The following GALP variants were observed in gnomAD, a reference collection of about 807,000 sequenced individuals.
GALP encodes the protein galanin-like peptide.
Under a neutral mutation model 15.2 loss-of-function variants are expected in GALP, and 12 were observed. That is an observed-to-expected ratio of 0.79 (90% CI 0.51 to 1.28). The LOEUF (loss-of-function observed/expected upper bound fraction) is 1.28. Among genes scored for constraint, GALP ranks in the 50% most tolerant of loss-of-function variants. The pLI is 0.00. For missense variants in GALP, 161 were observed against 145.6 expected, an observed-to-expected ratio of 1.11 and a Z score of -0.55; for synonymous variants, 58 against 55.1, an observed-to-expected ratio of 1.05 and a Z score of -0.23.
intron 2 of GALP, among the ~76,000 whole-genome samples, chr19:56,179,312 C>T (rs868166337): frequency 1.3e-4 from 18 of 139,898 alleles, no homozygotes; most frequent in African/African-American, 3.8e-4. Flanking sequence ...CTCTTTCTTT[C>T]TTTTTTTTTT....
chr19:56,178,521 CAAAAAAAAA>C (rs80223966), intron 2 of GALP, among the ~76,000 whole-genome samples: 1 of 85,770 alleles, frequency 1.2e-5, no homozygotes, highest in South Asian at 4.9e-4. Flanking sequence ...ACAACAACAA[CAAAAAAAAA>C]AAAAAAAAAA....
intron 3 of GALP, among the ~76,000 whole-genome samples, chr19:56,181,629 A>T (rs147975681): frequency 0.018 from 2,761 of 151,700 alleles, 96 homozygotes; most frequent in African/African-American, 0.063. Context: ...ACTGGTCTTG[A>T]ACTCCCAACC....
chr19:56,185,479 A>G lies in GALP; in HGVS notation c.*209A>G, dbSNP rs2032639543. 2.3e-6 allele frequency: 1 copy of G among 444,112 alleles called. No homozygotes were observed. The highest frequency in any genetic ancestry group is 3.9e-6 in the Non-Finnish European group (1 of 254,402). The allele number at this position is 444,112 out of a possible 1,614,324, so 27.5% of individuals were successfully genotyped here. ...ATCCTTGAAATCAGTATAATGTGCT[A>G]TTAATGGAACCAATAGTAATTCGAG... is the stretch of plus-strand genomic sequence containing the variant. On this transcript the variant is annotated 3_prime_UTR_variant, in exon 6 of 6. Coordinates refer to ENST00000357330, the MANE Select transcript of GALP (RefSeq NM_033106.4).
intron 1 of GALP, among the ~76,000 whole-genome samples, chr19:56,176,485 C>A (rs2032461453): frequency 1.0e-5 from 1 of 96,258 alleles, no homozygotes; most frequent in African/African-American, 4.8e-5. Context: ...GCCAGGAGGG[C>A]AGAGGGGCGG....
intron 3 of GALP, among the ~76,000 whole-genome samples, chr19:56,181,029 G>A (rs2032559293): frequency 6.8e-6 from 1 of 147,282 alleles, no homozygotes; most frequent in Non-Finnish European, 1.5e-5. Context: ...AGTAGTTTAA[G>A]CGATTCTCCT....
intron 3 of GALP, among the ~76,000 whole-genome samples, chr19:56,181,401 T>C (rs1254180298): frequency 7.2e-6 from 1 of 137,942 alleles, no homozygotes; most frequent in Non-Finnish European, 1.6e-5. Flanking sequence ...TCTCCTTTTT[T>C]TTTTTTTTTT....
At chr19:56,178,521 CAAAAAA>C (rs80223966) in intron 2 of GALP, among the ~76,000 whole-genome samples, 1,020 of 85,784 alleles carry the variant, frequency 0.012, 20 homozygotes, top group African/African-American at 0.04. Flanking sequence ...ACAACAACAA[CAAAAAA>C]AAAAAAAAAA....
At chr19:56,182,151 G>GC in intron 3 of GALP, 21 bp from the exon 4 acceptor site, 1 of 1,579,874 alleles carries the variant, frequency 6.3e-7, no homozygotes, top group Middle Eastern at 1.7e-4. Flanking sequence ...ACCTGCTCTT[G>GC]CTCTCTCCCT....
At position 56,182,246 on chromosome 19, in the gene GALP, G is replaced by A; in HGVS notation, c.211G>A (p.Ala71Thr). The change falls in exon 4 of 6, where the codon GCC becomes ACC. Residue 71 changes from alanine (A) to threonine (T), a missense_variant. Coordinates refer to ENST00000357330, the MANE Select transcript of GALP (RefSeq NM_033106.4). ...CCTTGAGATCCTAGACCTGTGGAAG[G>A]CCATCGGTGAGTGAGCGGGGAGTTA... ...TALEILDLWK[A>T]IDGLPYSHPP... 2 of 1,612,998 alleles carry A rather than the reference G, an allele frequency of 1.2e-6. No homozygotes were observed. The highest frequency in any genetic ancestry group is 1.7e-6 in the Non-Finnish European group (2 of 1,179,010).
chr19:56,181,606 C>A (rs2032569025), intron 3 of GALP, among the ~76,000 whole-genome samples: 1 of 151,924 alleles, frequency 6.6e-6, no homozygotes, highest in Non-Finnish European at 1.5e-5. Context: ...CGGGGTTTCT[C>A]CATGTTGGTC....
At chr19:56,180,533 C>A (rs575558209) in intron 2 of GALP, 53 bp from the exon 3 acceptor site, 6 of 1,502,440 alleles carry the variant, frequency 4.0e-6, no homozygotes, top group South Asian at 1.1e-5. Flanking sequence ...ACCTGTGGGA[C>A]GCCTGCCCCG....
intron 3 of GALP, 66 bp downstream of exon 3, chr19:56,180,700 G>A (rs998152533): frequency 5.9e-6 from 8 of 1,344,786 alleles, no homozygotes; most frequent in African/African-American, 1.4e-5. Flanking sequence ...CAGGCAGTGA[G>A]TTTGTGGCTT....
intron 5 of GALP, among the ~76,000 whole-genome samples, chr19:56,183,583 T>C (rs1447404811): frequency 6.6e-6 from 1 of 152,190 alleles, no homozygotes; most frequent in Non-Finnish European, 1.5e-5. Context: ...TTTGACCTCA[T>C]GGTTCAATTT....
intron 5 of GALP, among the ~76,000 whole-genome samples, chr19:56,183,491 A>T (rs1337552043): frequency 6.6e-6 from 1 of 151,996 alleles, no homozygotes; most frequent in East Asian, 1.9e-4. Context: ...TGCAATTAGG[A>T]CCCCACACCC....
chr19:56,185,098 CA>C lies in GALP; in HGVS notation c.296-115del, dbSNP rs1417021183. ...GGCAGATCACCTGAGGTCAGGAGTT[CA>C]AGACCAGCCTGGCCAACATGGTGAA... On this transcript the variant is annotated intron_variant, in intron 5 of 5. Coordinates refer to ENST00000357330, the MANE Select transcript of GALP (RefSeq NM_033106.4). The C allele has an allele frequency of 1.3e-5, 9 of 678,334 alleles. No individual in the cohort carries two copies. The Admixed American group carries it at 1.8e-4, about 14-fold the overall frequency. 42.0% of individuals were successfully genotyped at this position (678,334 alleles called of 1,614,324 possible).
At chr19:56,179,717 CACT>C (rs2032530337) in intron 2 of GALP, among the ~76,000 whole-genome samples, 1 of 151,270 alleles carries the variant, frequency 6.6e-6, no homozygotes, top group South Asian at 2.1e-4. Flanking sequence ...GATCATAGCT[CACT>C]GTAGCCTCAA....
At chr19:56,181,088 C>T (rs140984900) in intron 3 of GALP, among the ~76,000 whole-genome samples, 24 of 151,604 alleles carry the variant, frequency 1.6e-4, no homozygotes, top group African/African-American at 4.6e-4. Flanking sequence ...ACAGCACGCC[C>T]GGCTAATTTT....
At chr19:56,178,436 C>T (rs1189360469) in intron 2 of GALP, among the ~76,000 whole-genome samples, 3 of 150,024 alleles carry the variant, frequency 2.0e-5, no homozygotes, top group East Asian at 1.9e-4. Flanking sequence ...GCACTCCAGC[C>T]TGGGCGAAAG....
At chr19:56,184,484 CTTTTTT>C (rs11414322) in intron 5 of GALP, among the ~76,000 whole-genome samples, 2 of 117,640 alleles carry the variant, frequency 1.7e-5, no homozygotes, top group African/African-American at 6.7e-5. Flanking sequence ...TTTTCTTTTT[CTTTTTT>C]TTTTTTTTTT....
Sources: gnomAD v4.1 joint callset for allele counts (sites outside exome capture counted in the v4.1 genomes callset) on GRCh38, gnomAD v4.1.1 for gene constraint, MANE v1.5 for transcripts, NCBI Gene and HGNC (gene_info 2026-07-23, HGNC 2026-07-21) for gene names.